Variants in PTTG1IP2 observed in about 807,000 individuals in gnomAD.
PTTG1IP2 encodes PTTG1IP family member 2.
At chr7:90,509,161 A>C (rs1584702746) in intron 6 of PTTG1IP2, among the ~76,000 whole-genome samples, 1 of 151,010 alleles carries the variant, frequency 6.6e-6, no homozygotes, top group Non-Finnish European at 1.5e-5. Flanking sequence ...CAGATTTGTA[A>C]GGAAACATAC....
At chr7:90,495,995 T>C (rs1797986676) in intron 6 of PTTG1IP2, among the ~76,000 whole-genome samples, 1 of 152,212 alleles carries the variant, frequency 6.6e-6, no homozygotes, top group Non-Finnish European at 1.5e-5. Context: ...GTAATTCCAT[T>C]ATTCGAGATT....
chr7:90,483,630 AT>A (rs1797838141), intron 2 of PTTG1IP2, among the ~76,000 whole-genome samples: 1 of 152,178 alleles, frequency 6.6e-6, no homozygotes, highest in Non-Finnish European at 1.5e-5. Context: ...ACACAGTGTG[AT>A]TTAATCCTTA....
chr7:90,481,088 T>A, intron 2 of PTTG1IP2, among the ~76,000 whole-genome samples: 1 of 152,222 alleles, frequency 6.6e-6, no homozygotes, highest in South Asian at 2.1e-4. Flanking sequence ...ATAAGATTTT[T>A]TGTCTAGCAT....
rs1798210074 is a variant in PTTG1IP2, at chr7:90,513,323, A to G, written c.*96A>G. The G allele has an allele frequency of 6.6e-6, 1 of 152,640 alleles. No individual in the cohort carries two copies. Among genetic ancestry groups the G allele is most frequent in the African/African-American group, 2.4e-5 (1 of 41,450 alleles). The allele number at this position is 152,640 out of a possible 1,614,324, so 9.5% of individuals were successfully genotyped here. On this transcript the variant is annotated 3_prime_UTR_variant, in exon 7 of 7. Coordinates refer to ENST00000509356, the MANE Select transcript of PTTG1IP2 (RefSeq NM_001365443.2). ...CATCCTTACAGCCTCTTTGAGAATG[A>G]TTGAACTTCCAAATTCCCTGAAGTT...
Position 90,487,429 on chromosome 7 carries a change from TC to T in PTTG1IP2, c.286+11del, listed in dbSNP as rs1413829674. ...TTGGTTAAACTGTAAAGGTGAGTTG[TC>T]CTTATTTAGATTTTTATGTTCTTTA... On this transcript the variant is annotated intron_variant, in intron 3 of 6. Transcript: ENST00000509356. 5 of 152,630 alleles carry T rather than the reference TC, an allele frequency of 3.3e-5. No homozygotes were observed. Among genetic ancestry groups the T allele is most frequent in the African/African-American group, 1.2e-4 (5 of 41,442 alleles). 9.5% of individuals were successfully genotyped at this position (152,630 alleles called of 1,614,324 possible). A position where few individuals can be genotyped will look rare whatever the true frequency, so the allele number is the denominator to read the frequency against.
chr7:90,489,698 C>T (rs931143416), intron 4 of PTTG1IP2, among the ~76,000 whole-genome samples: 3 of 151,844 alleles, frequency 2.0e-5, no homozygotes, highest in African/African-American at 7.2e-5. Context: ...AAAAGGATAA[C>T]ATATTTATAC....
chr7:90,507,577 G>T (rs1304100687), intron 6 of PTTG1IP2, among the ~76,000 whole-genome samples: 1 of 152,140 alleles, frequency 6.6e-6, no homozygotes, highest in Non-Finnish European at 1.5e-5. Context: ...AAGGGAAGGA[G>T]CCAGGCAAGA....
chr7:90,493,918 A>G (rs1797965852), intron 5 of PTTG1IP2, among the ~76,000 whole-genome samples: 1 of 152,186 alleles, frequency 6.6e-6, no homozygotes, highest in African/African-American at 2.4e-5. Context: ...CAGGCTTCTG[A>G]TTGTGGAATA....
chr7:90,491,348 T>TG (rs141698576), intron 4 of PTTG1IP2, among the ~76,000 whole-genome samples: 13 of 152,304 alleles, frequency 8.5e-5, no homozygotes, highest in Non-Finnish European at 1.9e-4. Flanking sequence ...TCAGGCCGGG[T>TG]GTGCTGGCTC....
At chr7:90,488,393 C>A (rs1365872214) in intron 3 of PTTG1IP2, among the ~76,000 whole-genome samples, 2 of 151,896 alleles carry the variant, frequency 1.3e-5, no homozygotes, top group African/African-American at 2.4e-5. Flanking sequence ...CTACATTGTG[C>A]TTACTGAGAT....
chr7:90,490,901 G>A (rs759264816), intron 4 of PTTG1IP2, among the ~76,000 whole-genome samples: 1 of 152,130 alleles, frequency 6.6e-6, no homozygotes, highest in Non-Finnish European at 1.5e-5. Flanking sequence ...CTCAGTTCTG[G>A]TTTAACTCTG....
At chr7:90,489,287 T>C (rs1397572846) in intron 4 of PTTG1IP2, among the ~76,000 whole-genome samples, 1 of 151,906 alleles carries the variant, frequency 6.6e-6, no homozygotes, top group African/African-American at 2.4e-5. Flanking sequence ...TAATTTTAGA[T>C]GTTATCTATT....
chr7:90,470,800 G>A, intron 1 of PTTG1IP2, among the ~76,000 whole-genome samples: 1 of 151,936 alleles, frequency 6.6e-6, no homozygotes, highest in Non-Finnish European at 1.5e-5. Flanking sequence ...TACTCTAAGA[G>A]AAATAGTGTT....
chr7:90,506,463 T>C (rs765526359), intron 6 of PTTG1IP2, among the ~76,000 whole-genome samples: 20 of 152,168 alleles, frequency 1.3e-4, no homozygotes, highest in Admixed American at 5.9e-4. Context: ...TTTTTCCCTT[T>C]TAAAAATTGT....
intron 6 of PTTG1IP2, among the ~76,000 whole-genome samples, chr7:90,502,129 G>T (rs572073913): frequency 6.6e-6 from 1 of 152,316 alleles, no homozygotes; most frequent in South Asian, 2.1e-4. Flanking sequence ...CAGCAATTCA[G>T]TCACATCTTC....
intron 2 of PTTG1IP2, among the ~76,000 whole-genome samples, chr7:90,485,747 A>G (rs1797867293): frequency 6.6e-6 from 1 of 152,082 alleles, no homozygotes; most frequent in Non-Finnish European, 1.5e-5. Flanking sequence ...CCTGTGGTGG[A>G]CTTGGTTACT....
At chr7:90,512,941 T>A (rs970253938) in intron 6 of PTTG1IP2, among the ~76,000 whole-genome samples, 5 of 152,240 alleles carry the variant, frequency 3.3e-5, no homozygotes, top group African/African-American at 1.2e-4. Flanking sequence ...AATATTTGTG[T>A]TGAGTGAGCT....
At chr7:90,505,669 A>T (rs547069100) in intron 6 of PTTG1IP2, among the ~76,000 whole-genome samples, 1 of 152,284 alleles carries the variant, frequency 6.6e-6, no homozygotes, top group South Asian at 2.1e-4. Flanking sequence ...CTGAAATGTC[A>T]GTTCCTGGTT....
rs1014177021 is a variant in PTTG1IP2, at chr7:90,496,879, T to G, written c.*50+2449T>G. On this transcript the variant is annotated intron_variant, in intron 6 of 6. Coordinates refer to ENST00000509356, the MANE Select transcript of PTTG1IP2 (RefSeq NM_001365443.2). ...TTGCTGCATCCCATAAATTTTAGTA[T>G]ATTGTGTTTTAATTTTCATTTGTCT... 3.3e-5 allele frequency among the ~76,000 whole-genome samples: 5 copies of G among 152,240 alleles called. No individual in the cohort carries two copies. In the South Asian group the frequency reaches 8.3e-4, roughly 25 times the overall value.
Sources: allele counts gnomAD v4.1 joint callset (sites outside exome capture counted in the v4.1 genomes callset), GRCh38; gene constraint gnomAD v4.1.1; transcripts MANE v1.5; gene names NCBI Gene and HGNC (gene_info 2026-07-23, HGNC 2026-07-21).